Variants in PLIN3 observed in about 807,000 individuals in gnomAD.
PLIN3 encodes the protein perilipin-3.
In PLIN3, 30 loss-of-function variants were observed where a neutral mutation model predicts 35.9. The ratio of observed to expected loss-of-function variants is 0.84; its 90% CI spans 0.62 to 1.13. The LOEUF (loss-of-function observed/expected upper bound fraction) is 1.13. Ranked by LOEUF, PLIN3 falls within the 50% of genes most tolerant of loss-of-function variation. The probability of loss-of-function intolerance (pLI) is 0.00; values close to 1 mark genes in which losing one functional copy is unlikely to be tolerated. For missense variants in PLIN3, 603 were observed against 596.9 expected, an observed-to-expected ratio of 1.01 and a Z score of -0.11; for synonymous variants, 261 against 262.5, an observed-to-expected ratio of 0.99 and a Z score of 0.06.
At position 4,852,146 on chromosome 19, in the gene PLIN3, T is replaced by C. The variant is rs1207832027; in HGVS notation, c.504A>G (p.Val168=). The C allele has an allele frequency of 6.2e-6, 10 of 1,613,962 alleles. No homozygotes were observed. The highest frequency in any genetic ancestry group is 7.6e-6 in the Non-Finnish European group (9 of 1,180,010). ...VQSGVDKTKS[V]VTGGVQSVMG... ...TGACCGATTGGACGCCGCCGGTCAC[T>C]ACGGACTTTGTCTTGTCCACGCCGC... The change falls in exon 5 of 8, where the codon GTA becomes GTG. Residue 168 remains valine, a synonymous_variant. Coordinates refer to ENST00000221957, the MANE Select transcript of PLIN3 (RefSeq NM_005817.5).
At chr19:4,843,506 T>TAAAAAAAAAAAA in intron 7 of PLIN3, among the ~76,000 whole-genome samples, 1 of 103,078 alleles carries the variant, frequency 9.7e-6, no homozygotes, top group South Asian at 3.7e-4. Context: ...AGACTCCATC[T>TAAAAAAAAAAAA]CAAAAAATAA....
chr19:4,844,562 G>A, intron 7 of PLIN3, 106 bp downstream of exon 7: 1 of 1,246,238 alleles, frequency 8.0e-7, no homozygotes, highest in Admixed American at 3.1e-5. Flanking sequence ...AAGCAGGTGA[G>A]GCTAGGGAAA....
At chr19:4,841,923 A>G (rs1432370378) in intron 7 of PLIN3, among the ~76,000 whole-genome samples, 17 of 84,324 alleles carry the variant, frequency 2.0e-4, no homozygotes, top group South Asian at 5.3e-4. Flanking sequence ...AAAAAAAAAA[A>G]AAAGAAAAAA....
In PLIN3 at chr19:4,852,646, T is replaced by TC. The variant is rs202028290; in HGVS notation, c.349-346_349-345insG. On this transcript the variant is annotated intron_variant, in intron 4 of 7. Coordinates refer to ENST00000221957, the MANE Select transcript of PLIN3 (RefSeq NM_005817.5). ...TCCCTGTACCTCATTTCTTTCTTTC[T>TC]TTTTTTTTTTTGGAGACAGGGTCTT... is the stretch of plus-strand genomic sequence containing the variant. Among the ~76,000 whole-genome samples, 1,304 of 144,898 alleles carry TC rather than the reference T, an allele frequency of 9.0e-3. 22 individuals are homozygous for TC. The highest frequency in any genetic ancestry group is 0.031 in the African/African-American group (1,246 of 40,072).
chr19:4,844,643 C>T, intron 7 of PLIN3, 25 bp downstream of exon 7: 1 of 1,506,028 alleles, frequency 6.6e-7, no homozygotes, highest in South Asian at 1.2e-5. Flanking sequence ...TACCCTAGGC[C>T]ACCCCCCAGT....
At chr19:4,845,993 G>A (rs2030082305) in intron 6 of PLIN3, among the ~76,000 whole-genome samples, 2 of 150,670 alleles carry the variant, frequency 1.3e-5, no homozygotes, top group Non-Finnish European at 2.9e-5. Context: ...GGGAGGCCGA[G>A]GCGGGCGGAT....
chr19:4,865,403 T>G (rs1417171857), intron 1 of PLIN3, among the ~76,000 whole-genome samples: 2 of 151,404 alleles, frequency 1.3e-5, no homozygotes, highest in Non-Finnish European at 2.9e-5. Context: ...GCAGGAGAAT[T>G]GCTTGAACCT....
At chr19:4,849,745 C>T (rs910489267) in intron 5 of PLIN3, among the ~76,000 whole-genome samples, 8 of 152,100 alleles carry the variant, frequency 5.3e-5, no homozygotes, top group South Asian at 2.1e-4. Context: ...CTCCGCCTCC[C>T]GGGTTCAAGT....
At chr19:4,846,408 G>A (rs2030098596) in intron 6 of PLIN3, among the ~76,000 whole-genome samples, 1 of 151,688 alleles carries the variant, frequency 6.6e-6, no homozygotes, top group African/African-American at 2.4e-5. Flanking sequence ...CCTTCAATAA[G>A]GAGATTAGAG....
chr19:4,855,861 G>A lies in PLIN3; in HGVS notation c.349-3560C>T, dbSNP rs8111951. Among the ~76,000 whole-genome samples, 1,283 of 151,538 alleles carry A rather than the reference G, an allele frequency of 8.5e-3. 23 individuals carry two copies. The highest frequency in any genetic ancestry group is 0.03 in the African/African-American group (1,224 of 41,246). ...GATTGCCTAAGTCTAGGAGGTCAAG[G>A]CTGTAGTGAGCCAAGATCACGCCAC... On this transcript the variant is annotated intron_variant, in intron 4 of 7. Coordinates refer to ENST00000221957, the MANE Select transcript of PLIN3 (RefSeq NM_005817.5).
chr19:4,861,684 G>A (rs2030681692), intron 1 of PLIN3, among the ~76,000 whole-genome samples: 1 of 151,666 alleles, frequency 6.6e-6, no homozygotes, highest in Non-Finnish European at 1.5e-5. Flanking sequence ...CGCCCAGGAT[G>A]GAGTGCAGTG....
In PLIN3 at chr19:4,839,592, G is replaced by A. The variant is rs892185604; in HGVS notation, c.961-56C>T. Reference sequence around the variant, plus strand: ...ACCATTTGTTTCAGGAAAGGCGATCGGAGCTGAAGCCAGGGAAAGAGGGGA... The same window carrying A: ...ACCATTTGTTTCAGGAAAGGCGATCAGAGCTGAAGCCAGGGAAAGAGGGGA... On this transcript the variant is annotated intron_variant, in intron 7 of 7. Transcript: ENST00000221957. 57 of 1,348,400 alleles carry A rather than the reference G, an allele frequency of 4.2e-5. 1 individual carries two copies. The highest frequency in any genetic ancestry group is 1.3e-4 in the East Asian group (5 of 39,872). 83.5% of individuals were successfully genotyped at this position (1,348,400 alleles called of 1,614,324 possible).
intron 4 of PLIN3, among the ~76,000 whole-genome samples, chr19:4,852,961 T>C (rs921589176): frequency 2.0e-5 from 3 of 151,078 alleles, no homozygotes; most frequent in Non-Finnish European, 3.0e-5. Flanking sequence ...ATTACAGGCA[T>C]GCGCCACCAC....
chr19:4,849,844 G>T (rs955140307), intron 5 of PLIN3, among the ~76,000 whole-genome samples: 12 of 151,648 alleles, frequency 7.9e-5, no homozygotes, highest in African/African-American at 2.9e-4. Context: ...GTAGAGATGG[G>T]GTTTCACCAT....
intron 1 of PLIN3, 125 bp downstream of exon 1, chr19:4,867,484 C>G (rs1485096006): frequency 1.3e-5 from 2 of 152,164 alleles, no homozygotes; most frequent in Admixed American, 6.5e-5. Flanking sequence ...GACCCCTCCC[C>G]AGGCCGCAGA....
At chr19:4,845,932 A>C (rs1467450767) in intron 6 of PLIN3, among the ~76,000 whole-genome samples, 4 of 135,720 alleles carry the variant, frequency 2.9e-5, no homozygotes, top group African/African-American at 1.1e-4. Flanking sequence ...TCTCAAAAAA[A>C]AAAAAAAAAA....
intron 4 of PLIN3, among the ~76,000 whole-genome samples, chr19:4,859,365 T>C (rs566996157): frequency 5.4e-4 from 82 of 152,110 alleles, no homozygotes; most frequent in African/African-American, 1.9e-3. Context: ...CTACTAAAAA[T>C]ACAAAAACTA....
chr19:4,859,442 GGGA>G (rs2146213192), intron 4 of PLIN3, 145 bp downstream of exon 4: 1 of 700,404 alleles, frequency 1.4e-6, no homozygotes, highest in East Asian at 2.6e-5. Flanking sequence ...CTACCCTGTG[GGGA>G]GTGGATTCGG....
chr19:4,858,177 G>A (rs1202035766), intron 4 of PLIN3, among the ~76,000 whole-genome samples: 1 of 146,664 alleles, frequency 6.8e-6, no homozygotes, highest in Non-Finnish European at 1.5e-5. Flanking sequence ...GCAGCCTGAG[G>A]CAGGAGAATC....
Sources: allele counts gnomAD v4.1 joint callset (sites outside exome capture counted in the v4.1 genomes callset), GRCh38; gene constraint gnomAD v4.1.1; transcripts MANE v1.5; gene names NCBI Gene and HGNC (gene_info 2026-07-23, HGNC 2026-07-21).